Variants in FAM13A observed in about 807,000 individuals in gnomAD.
FAM13A encodes family with sequence similarity 13 member A.
In FAM13A, 76 loss-of-function variants were observed where a neutral mutation model predicts 129.6. The observed-to-expected ratio is 0.59, with a 90% CI of 0.49 to 0.71. The LOEUF is 0.71. Ranked by LOEUF, FAM13A falls within the 30% of genes least tolerant of loss-of-function variation. The probability of loss-of-function intolerance (pLI) is 0.00; values close to 1 mark genes in which losing one functional copy is unlikely to be tolerated. For missense variants in FAM13A, 1,108 were observed against 1,249.3 expected (o/e 0.89, Z 1.70); for synonymous variants, 443 against 449.9 (o/e 0.98, Z 0.20).
At chr4:88,897,705 A>C (rs1746590829) in intron 6 of FAM13A, among the ~76,000 whole-genome samples, 1 of 152,176 alleles carries the variant, frequency 6.6e-6, no homozygotes, top group South Asian at 2.1e-4. Flanking sequence ...CTCACAGCTC[A>C]CTAAGTCACC....
chr4:88,982,079 T>C (rs565727336), intron 4 of FAM13A, among the ~76,000 whole-genome samples: 7 of 152,274 alleles, frequency 4.6e-5, no homozygotes, highest in African/African-American at 7.2e-5. Context: ...TGGAAGCAGA[T>C]TGGTCTGAGA....
intron 3 of FAM13A, among the ~76,000 whole-genome samples, chr4:88,996,319 T>C (rs1443289425): frequency 6.6e-6 from 1 of 152,148 alleles, no homozygotes; most frequent in African/African-American, 2.4e-5. Flanking sequence ...GTCTAGACTG[T>C]AGGGGCACAG....
intron 11 of FAM13A, among the ~76,000 whole-genome samples, chr4:88,774,792 T>C (rs1721353992): frequency 6.6e-6 from 1 of 152,188 alleles, no homozygotes; most frequent in African/African-American, 2.4e-5. Flanking sequence ...TGACACATGA[T>C]TGAAATGTTG....
At chr4:88,735,038 G>A (rs886510298) in intron 21 of FAM13A, among the ~76,000 whole-genome samples, 1 of 152,184 alleles carries the variant, frequency 6.6e-6, no homozygotes, top group Admixed American at 6.5e-5. Context: ...AGAGCTAGGA[G>A]ACCACTGAAA....
In FAM13A at chr4:89,016,263, T is replaced by A. The variant is rs768569897; in HGVS notation, c.427+4197A>T. ...TTTAAAAATAGAAAAATATTAAAAT[T>A]ATATGATGAAAACAATTTGTAGAGC... On this transcript the variant is annotated intron_variant, in intron 3 of 23. Transcript: ENST00000264344. Among the ~76,000 whole-genome samples the A allele has an allele frequency of 5.9e-4, 89 of 151,832 alleles. 3 individuals carry two copies. Among genetic ancestry groups the A allele is most frequent in the Non-Finnish European group, 7.9e-4 (54 of 67,938 alleles).
intron 6 of FAM13A, among the ~76,000 whole-genome samples, chr4:88,891,572 A>G (rs188672821): frequency 1.6e-3 from 249 of 152,320 alleles, no homozygotes; most frequent in African/African-American, 5.7e-3. Flanking sequence ...GCTACTCAAA[A>G]CCCATAAGAT....
intron 8 of FAM13A, among the ~76,000 whole-genome samples, chr4:88,792,011 A>G (rs1437548905): frequency 1.3e-5 from 2 of 152,126 alleles, no homozygotes; most frequent in African/African-American, 4.8e-5. Context: ...ACAAACCCAG[A>G]AAAACCACGT....
rs1736836784 is a variant in FAM13A at position 88,728,504 on chromosome 4, T to G, written c.*29A>C. 3 of 1,613,414 alleles carry G rather than the reference T, an allele frequency of 1.9e-6. No individual in the cohort carries two copies. Among genetic ancestry groups the G allele is most frequent in the Non-Finnish European group, 1.7e-6 (2 of 1,179,880 alleles). On this transcript the variant is annotated 3_prime_UTR_variant, in exon 24 of 24. Coordinates refer to ENST00000264344, the MANE Select transcript of FAM13A (RefSeq NM_014883.4). ...GGGGACAGTAAACTCTCACCGCAGC[T>G]GCCAGCCCCCTGTGCTTGGCCATGC...
intron 3 of FAM13A, among the ~76,000 whole-genome samples, chr4:89,010,889 C>T (rs1265395125): frequency 6.6e-6 from 1 of 152,088 alleles, no homozygotes; most frequent in African/African-American, 2.4e-5. Context: ...TGCTCTGTTG[C>T]CCAGGCTGGA....
At chr4:89,006,627 T>C (rs921083507) in intron 3 of FAM13A, among the ~76,000 whole-genome samples, 4 of 152,212 alleles carry the variant, frequency 2.6e-5, no homozygotes, top group Admixed American at 2.6e-4. Context: ...CGGCTAAGTG[T>C]TAACCAGCTC....
At chr4:88,868,416 T>C (rs1042187637) in intron 6 of FAM13A, among the ~76,000 whole-genome samples, 1 of 152,202 alleles carries the variant, frequency 6.6e-6, no homozygotes, top group Non-Finnish European at 1.5e-5. Flanking sequence ...TTTATCTGTT[T>C]ACTTTCCTTC....
chr4:88,746,732 C>T (rs1741423370), intron 19 of FAM13A, among the ~76,000 whole-genome samples, 200 bp downstream of exon 19: 3 of 152,078 alleles, frequency 2.0e-5, no homozygotes, highest in Non-Finnish European at 1.5e-5. Context: ...AAGTAAGTTC[C>T]ACATCTACTA....
chr4:88,914,201 C>G (rs189901123), intron 5 of FAM13A, among the ~76,000 whole-genome samples: 3 of 152,288 alleles, frequency 2.0e-5, no homozygotes, highest in Admixed American at 6.5e-5. Context: ...CCTATGTGCA[C>G]AGTCACCCCA....
At chr4:88,890,189 C>T (rs1037993788) in intron 6 of FAM13A, among the ~76,000 whole-genome samples, 1 of 152,164 alleles carries the variant, frequency 6.6e-6, no homozygotes, top group African/African-American at 2.4e-5. Flanking sequence ...GGCTGTTCAC[C>T]TTTGCATCCC....
In FAM13A at chr4:88,991,054, A is replaced by C. The variant is rs534907927; in HGVS notation, c.524T>G (p.Leu175Trp). The C allele has an allele frequency of 2.5e-6, 4 of 1,614,150 alleles. No homozygotes were observed. The highest frequency in any genetic ancestry group is 3.4e-6 in the Non-Finnish European group (4 of 1,179,994). The change falls in exon 4 of 24, where the codon TTG becomes TGG. Residue 175 changes from leucine (L) to tryptophan (W), a missense_variant. Transcript: ENST00000264344. ...YCLLKYLCQF[L>W]TKVAKHHVQN... ...CACATGATGCTTGGCTACTTTTGTC[A>C]AGAACTGGCAAAGGTACTTGAGGAG...
intron 1 of FAM13A, among the ~76,000 whole-genome samples, chr4:89,040,239 C>A (rs1297380927): frequency 6.6e-6 from 1 of 151,972 alleles, no homozygotes; most frequent in African/African-American, 2.4e-5. Flanking sequence ...CAAATATATA[C>A]AAACATACAA....
At chr4:89,024,967 T>C (rs978249476) in intron 2 of FAM13A, among the ~76,000 whole-genome samples, 1 of 152,188 alleles carries the variant, frequency 6.6e-6, no homozygotes, top group African/African-American at 2.4e-5. Context: ...TGATTTAACT[T>C]AATAAAATGT....
At chr4:89,051,691 A>C (rs1771609241) in intron 1 of FAM13A, among the ~76,000 whole-genome samples, 1 of 152,160 alleles carries the variant, frequency 6.6e-6, no homozygotes, top group Admixed American at 6.5e-5. Context: ...GTGAAATCAA[A>C]CCAGTTACGT....
At chr4:89,036,027 A>G (rs1769348506) in intron 1 of FAM13A, among the ~76,000 whole-genome samples, 2 of 152,216 alleles carry the variant, frequency 1.3e-5, no homozygotes, top group South Asian at 4.1e-4. Context: ...TGTGGTACCT[A>G]GGAGTGGGCA....
Sources: gnomAD v4.1 joint callset for allele counts (sites outside exome capture counted in the v4.1 genomes callset) on GRCh38, gnomAD v4.1.1 for gene constraint, MANE v1.5 for transcripts, NCBI Gene and HGNC (gene_info 2026-07-23, HGNC 2026-07-21) for gene names.